Variants in FAM47E observed in about 807,000 individuals in gnomAD.
FAM47E encodes family with sequence similarity 47 member E.
Under a neutral mutation model 41.6 loss-of-function variants are expected in FAM47E, and 32 were observed. That is an observed-to-expected ratio of 0.77 (90% confidence interval 0.58 to 1.03). The LOEUF (loss-of-function observed/expected upper bound fraction) is 1.03. Among genes scored for constraint, FAM47E ranks in the 50% least tolerant of loss-of-function variants. The pLI, the probability that FAM47E is intolerant of heterozygous loss-of-function variation, is 0.00. For missense variants in FAM47E, 424 were observed against 485.4 expected (o/e 0.87, Z 1.19); for synonymous variants, 184 against 188.7 (o/e 0.98, Z 0.20).
At chr4:76,218,858 T>C (rs1196100584) in intron 2 of FAM47E, among the ~76,000 whole-genome samples, 2 of 152,178 alleles carry the variant, frequency 1.3e-5, no homozygotes, top group African/African-American at 4.8e-5. Flanking sequence ...TCAGCAATAT[T>C]ATCTGCTACT....
chr4:76,225,672 GATGTGATGT>G (rs1733384439), intron 2 of FAM47E, among the ~76,000 whole-genome samples: 1 of 152,104 alleles, frequency 6.6e-6, no homozygotes, highest in African/African-American at 2.4e-5. Flanking sequence ...TAATTCTGTT[GATGTGATGT>G]ATCACACTTA....
intron 2 of FAM47E, among the ~76,000 whole-genome samples, chr4:76,261,888 C>T (rs1451705404): frequency 2.0e-5 from 3 of 152,052 alleles, no homozygotes; most frequent in African/African-American, 7.2e-5. Flanking sequence ...AAACAAGTGT[C>T]ATTTGTTCGC....
Position 76,256,400 on chromosome 4 carries a change from C to T in FAM47E, c.297C>T (p.Asp99=), listed in dbSNP as rs370071934. The T allele has an allele frequency of 1.6e-4, 248 of 1,552,222 alleles. No individual in the cohort carries two copies. In the East Asian group the frequency reaches 2.5e-3, roughly 15 times the overall value. Residue 99 remains aspartate (D), a synonymous_variant, in exon 2 of 8, where the codon GAC becomes GAT. Coordinates refer to ENST00000424749, the MANE Select transcript of FAM47E (RefSeq NM_001136570.3). ...AGATCAAGCTGCTCAAGGAAGCAGACGTGCTTTCCAAGCTCTCGCCAGCCC... is the reference window on the plus strand; with the variant it reads ...AGATCAAGCTGCTCAAGGAAGCAGATGTGCTTTCCAAGCTCTCGCCAGCCC... ...KRQIKLLKEA[D]VLSKLSPAQQ... is the part of the protein sequence containing the mutation.
chr4:76,237,495 C>G (rs1205400597), intron 2 of FAM47E, among the ~76,000 whole-genome samples: 1 of 151,878 alleles, frequency 6.6e-6, no homozygotes. Context: ...CAATCCAGCT[C>G]CATGTATCAT....
chr4:76,248,635 C>G (rs939334768), upstream of FAM47E, among the ~76,000 whole-genome samples: 1 of 152,154 alleles, frequency 6.6e-6, no homozygotes, highest in Non-Finnish European at 1.5e-5. Context: ...TGATCCTCGT[C>G]ACCTTGGTAC....
At chr4:76,259,436 A>T (rs1291064293) in intron 2 of FAM47E, among the ~76,000 whole-genome samples, 1 of 152,216 alleles carries the variant, frequency 6.6e-6, no homozygotes. Context: ...CACTTTCAAG[A>T]CTGTCCCTAC....
At chr4:76,248,796 GTCTC>G (rs35402896), upstream of FAM47E, among the ~76,000 whole-genome samples, 10 of 149,338 alleles carry the variant, frequency 6.7e-5, no homozygotes, top group Admixed American at 1.3e-4. Flanking sequence ...GAATCTCTCA[GTCTC>G]TCTCTCTCTC....
intron 2 of FAM47E, among the ~76,000 whole-genome samples, chr4:76,222,023 T>C (rs1047920253): frequency 6.6e-6 from 1 of 152,246 alleles, no homozygotes; most frequent in East Asian, 1.9e-4. Flanking sequence ...CCTGGTATAC[T>C]AATATCTCTA....
intron 2 of FAM47E, among the ~76,000 whole-genome samples, chr4:76,231,891 A>G (rs919409511): frequency 6.6e-6 from 1 of 152,202 alleles, no homozygotes; most frequent in Non-Finnish European, 1.5e-5. Context: ...CTGGGATTTT[A>G]TTGGCGCTGC....
chr4:76,261,812 G>A (rs1734430526), intron 2 of FAM47E, among the ~76,000 whole-genome samples: 2 of 151,652 alleles, frequency 1.3e-5, no homozygotes, highest in South Asian at 2.1e-4. Flanking sequence ...ATGTACCCCC[G>A]AATCTACAAT....
chr4:76,235,984 G>A (rs1034322617), intron 2 of FAM47E, among the ~76,000 whole-genome samples: 3 of 152,194 alleles, frequency 2.0e-5, no homozygotes, highest in Non-Finnish European at 4.4e-5. Context: ...GCCAGGATTC[G>A]TTCCTGGCAG....
At chr4:76,241,966 T>C (rs1307696539) in intron 2 of FAM47E, among the ~76,000 whole-genome samples, 1 of 152,038 alleles carries the variant, frequency 6.6e-6, no homozygotes, top group African/African-American at 2.4e-5. Flanking sequence ...TATCTTCTCA[T>C]ATCAGAAGGA....
At chr4:76,238,591 G>T (rs945362142) in intron 2 of FAM47E, among the ~76,000 whole-genome samples, 19 of 152,322 alleles carry the variant, frequency 1.2e-4, no homozygotes, top group African/African-American at 3.4e-4. Context: ...CGGACTTAAA[G>T]GGGGCAATCA....
chr4:76,248,054 A>G (rs1433266291), upstream of FAM47E, among the ~76,000 whole-genome samples: 2 of 151,022 alleles, frequency 1.3e-5, no homozygotes, highest in African/African-American at 2.4e-5. Flanking sequence ...AGCTGGGACT[A>G]CAGGCGCCCA....
At chr4:76,218,465 G>C (rs76773060) in intron 2 of FAM47E, among the ~76,000 whole-genome samples, 9 of 152,172 alleles carry the variant, frequency 5.9e-5, no homozygotes, top group African/African-American at 1.2e-4. Flanking sequence ...AGGCCACAGG[G>C]ACTCTCTGTG....
chr4:76,247,458 G>A (rs1733852290), upstream of FAM47E, among the ~76,000 whole-genome samples: 2 of 152,140 alleles, frequency 1.3e-5, no homozygotes, highest in African/African-American at 4.8e-5. Flanking sequence ...ATACCTAAGA[G>A]TGGAATTGAT....
chr4:76,282,063 C>T (rs961153423), intron 7 of FAM47E: 1 of 87,432 alleles, frequency 1.1e-5, no homozygotes, highest in African/African-American at 3.5e-5. Flanking sequence ...AAGTACAGTA[C>T]ATTTGTATGT....
chr4:76,263,357 CAAAT>C (rs952475752), intron 2 of FAM47E, among the ~76,000 whole-genome samples: 32 of 152,254 alleles, frequency 2.1e-4, no homozygotes, highest in African/African-American at 5.8e-4. Flanking sequence ...TTACATTTCT[CAAAT>C]AAATCTCCAT....
chr4:76,226,424 G>A (rs777925658), intron 2 of FAM47E, among the ~76,000 whole-genome samples: 2 of 152,196 alleles, frequency 1.3e-5, no homozygotes, highest in Admixed American at 6.5e-5. Flanking sequence ...GGAGAGCAAG[G>A]AGCAAGGGGC....
Sources: allele counts gnomAD v4.1 joint callset (sites outside exome capture counted in the v4.1 genomes callset), GRCh38; gene constraint gnomAD v4.1.1; transcripts MANE v1.5; gene names NCBI Gene and HGNC (gene_info 2026-07-23, HGNC 2026-07-21).